The following TANC2 variants were observed in gnomAD, a reference collection of about 807,000 sequenced individuals.
TANC2 encodes the protein tetratricopeptide repeat, ankyrin repeat and coiled-coil containing 2, also known as protein TANC2.
Under a neutral mutation model 210.5 loss-of-function variants are expected in TANC2, and 26 were observed. The observed-to-expected ratio is 0.12, with a 90% CI of 0.09 to 0.17. The LOEUF is 0.17. Among genes scored for constraint, TANC2 ranks in the 10% least tolerant of loss-of-function variants. The pLI, the probability that TANC2 is intolerant of heterozygous loss-of-function variation, is 1.00. For synonymous variants in TANC2, 931 were observed against 967.1 expected (o/e 0.96, Z 0.69); for missense variants, 2,129 against 2,608.9 (o/e 0.82, Z 4.01).
chr17:63,321,072 C>A (rs1781678953), intron 11 of TANC2, among the ~76,000 whole-genome samples: 1 of 152,046 alleles, frequency 6.6e-6, no homozygotes, highest in South Asian at 2.1e-4. Flanking sequence ...GTAGCATGTG[C>A]CTGTAGTCCC....
intron 8 of TANC2, among the ~76,000 whole-genome samples, chr17:63,263,111 A>T (rs2043418302): frequency 6.6e-6 from 1 of 152,256 alleles, no homozygotes; most frequent in East Asian, 1.9e-4. Context: ...GGAAACATAA[A>T]GCGTGTGTAT....
chr17:63,001,530 C>CTTTTTTTTTTTTTTTT (rs534398376), intron 1 of TANC2, among the ~76,000 whole-genome samples: 1 of 140,134 alleles, frequency 7.1e-6, no homozygotes, highest in Non-Finnish European at 1.5e-5. Context: ...CTTTTCTTTT[C>CTTTTTTTTTTTTTTTT]TTTTTTTTTT....
At chr17:62,989,852 A>G (rs892318427) in intron 1 of TANC2, among the ~76,000 whole-genome samples, 1 of 148,746 alleles carries the variant, frequency 6.7e-6, no homozygotes, top group Non-Finnish European at 1.5e-5. Context: ...GCTCACTGCA[A>G]CCTCGTCTCC....
chr17:63,111,008 G>A (rs893572309), intron 4 of TANC2, among the ~76,000 whole-genome samples: 2 of 152,060 alleles, frequency 1.3e-5, no homozygotes, highest in Non-Finnish European at 2.9e-5. Flanking sequence ...ACAGAGTATT[G>A]TATGGATTAA....
chr17:63,381,579 T>G (rs1266526115), intron 15 of TANC2: 1 of 152,224 alleles, frequency 6.6e-6, no homozygotes, highest in Non-Finnish European at 1.5e-5. Flanking sequence ...CACAATCCAA[T>G]GGGTACTTTT....
chr17:63,006,299 A>G (rs913808320), intron 1 of TANC2, among the ~76,000 whole-genome samples: 4 of 150,592 alleles, frequency 2.7e-5, no homozygotes, highest in African/African-American at 4.9e-5. Flanking sequence ...CCTTCCTTCT[A>G]CTTTCTTTGA....
rs534224653 is a variant in TANC2, at chr17:63,003,819, A to G, written c.-23-5718A>G. 6.6e-5 allele frequency among the ~76,000 whole-genome samples: 10 copies of G among 152,268 alleles called. No individual in the cohort carries two copies. In the South Asian group the frequency reaches 1.9e-3, roughly 28 times the overall value. ...ATAACCTCCAAATATATGTTTTTTT[A>G]AGTGGCTGTTGCTTTCTATGTTCCT... On this transcript the variant is annotated intron_variant, in intron 1 of 27. Transcript: ENST00000689528.
At chr17:63,337,793 C>T (rs2046085973) in intron 11 of TANC2, among the ~76,000 whole-genome samples, 1 of 152,108 alleles carries the variant, frequency 6.6e-6, no homozygotes, top group Non-Finnish European at 1.5e-5. Context: ...CTCCGGTAGG[C>T]CCCAGTTGTT....
chr17:63,309,401 A>G (rs908914348), intron 9 of TANC2, among the ~76,000 whole-genome samples: 2 of 151,506 alleles, frequency 1.3e-5, no homozygotes, highest in African/African-American at 4.9e-5. Context: ...TTTTTTTCTA[A>G]TGGTAGATAT....
chr17:63,134,108 A>G (rs1332708052), intron 4 of TANC2, among the ~76,000 whole-genome samples: 1 of 152,156 alleles, frequency 6.6e-6, no homozygotes, highest in African/African-American at 2.4e-5. Context: ...ACTTTCACCT[A>G]TTAAATAGCA....
At chr17:63,245,008 C>A (rs2042877741) in intron 8 of TANC2, among the ~76,000 whole-genome samples, 2 of 152,086 alleles carry the variant, frequency 1.3e-5, no homozygotes, top group Admixed American at 1.3e-4. Context: ...GTGTAAATTA[C>A]CCAGTCTAGG....
intron 21 of TANC2, among the ~76,000 whole-genome samples, chr17:63,410,755 G>A (rs367735755): frequency 5.4e-5 from 8 of 148,926 alleles, no homozygotes; most frequent in African/African-American, 2.0e-4. Context: ...CAGCTACTTA[G>A]GAGGCTGAGG....
intron 9 of TANC2, among the ~76,000 whole-genome samples, chr17:63,290,490 A>G (rs1260063783): frequency 1.3e-5 from 2 of 152,080 alleles, no homozygotes; most frequent in Admixed American, 6.6e-5. Context: ...GGTGACTTCC[A>G]AGCTCCTTAC....
intron 21 of TANC2, among the ~76,000 whole-genome samples, chr17:63,407,006 C>T (rs1953823699): frequency 1.3e-5 from 2 of 152,168 alleles, no homozygotes; most frequent in South Asian, 4.1e-4. Flanking sequence ...GTAAACTGGA[C>T]GCAAATGTCG....
rs1288715871 is a variant in TANC2, at chr17:63,314,380, C to A, written c.1160-8C>A. ...GACCTAAGTTCTGCATTCTCTTGTT[C>A]CTTTCAGTTCGCTTTGCACCTTATA... On this transcript the variant is annotated splice_region_variant and splice_polypyrimidine_tract_variant and intron_variant, in intron 9 of 27. Coordinates refer to ENST00000689528, the Ensembl canonical transcript of TANC2. 2 of 1,612,520 alleles carry A rather than the reference C, an allele frequency of 1.2e-6. No individual in the cohort carries two copies. Among genetic ancestry groups the A allele is most frequent in the East Asian group, 4.5e-5 (2 of 44,846 alleles).
chr17:63,172,434 A>C (rs2040437344), intron 5 of TANC2, among the ~76,000 whole-genome samples: 1 of 151,936 alleles, frequency 6.6e-6, no homozygotes, highest in South Asian at 2.1e-4. Context: ...CACCCACCTC[A>C]GCCTTCCAAG....
chr17:63,014,187 C>T (rs2034005846), intron 2 of TANC2, among the ~76,000 whole-genome samples: 2 of 151,596 alleles, frequency 1.3e-5, no homozygotes, highest in Admixed American at 1.3e-4. Context: ...TTTTCAATTC[C>T]AAAATTTCTA....
In TANC2 at chr17:63,283,480, A is replaced by G. The variant is rs555926967; in HGVS notation, c.1159+15607A>G. ...AGCCTTATAAATTTCTACAAAAAAA[A>G]AAACTGCTAGAGTTTTTATGGAGAT... On this transcript the variant is annotated intron_variant, in intron 9 of 27. Coordinates refer to ENST00000689528, the Ensembl canonical transcript of TANC2. Among the ~76,000 whole-genome samples the G allele has an allele frequency of 4.1e-3, 625 of 152,012 alleles. 5 individuals carry two copies. Among genetic ancestry groups the G allele is most frequent in the African/African-American group, 0.015 (606 of 41,534 alleles).
At chr17:63,300,736 G>A (rs1282650169) in intron 9 of TANC2, among the ~76,000 whole-genome samples, 1 of 152,078 alleles carries the variant, frequency 6.6e-6, no homozygotes, top group East Asian at 1.9e-4. Context: ...CAGACAATTT[G>A]GCTTCCCCTC....
Sources: allele counts gnomAD v4.1 joint callset (sites outside exome capture counted in the v4.1 genomes callset), GRCh38; gene constraint gnomAD v4.1.1; transcripts MANE v1.5; gene names NCBI Gene and HGNC (gene_info 2026-07-23, HGNC 2026-07-21).